The following WDR70 variants were observed in gnomAD, a reference collection of about 807,000 sequenced individuals.
The protein encoded by WDR70 is WD repeat-containing protein 70.
WDR70 carries 53 observed loss-of-function variants against 88.6 expected under a neutral mutation model. The observed-to-expected ratio is 0.60, with a 90% CI of 0.48 to 0.75. WDR70 has a LOEUF of 0.75. Among genes scored for constraint, WDR70 ranks in the 30% least tolerant of loss-of-function variants. The pLI, the probability that WDR70 is intolerant of heterozygous loss-of-function variation, is 0.00. For synonymous variants in WDR70, 280 were observed against 270.0 expected (o/e 1.04, Z -0.36); for missense variants, 610 against 823.2 (o/e 0.74, Z 3.17).
Position 37,724,947 on chromosome 5 carries a change from T to C in WDR70, c.1611T>C (p.Pro537=), listed in dbSNP as rs1018510714. The change falls in exon 16 of 18, where the codon CCT becomes CCC. Residue 537 remains proline (P), a synonymous_variant. Coordinates refer to ENST00000265107, the MANE Select transcript of WDR70 (RefSeq NM_018034.4). ...QDYIITPHAL[P]MFREPRQRST... is the part of the protein sequence containing the mutation. Reference sequence around the variant, plus strand: ...GACTTCTTGTAGCTCATGCCTTGCCTATGTTCCGTGAGCCCCGCCAACGGA... The same window carrying C: ...GACTTCTTGTAGCTCATGCCTTGCCCATGTTCCGTGAGCCCCGCCAACGGA... The C allele has an allele frequency of 2.2e-5, 35 of 1,613,546 alleles. No individual in the cohort carries two copies. The highest frequency in any genetic ancestry group is 2.7e-5 in the Non-Finnish European group (32 of 1,179,696).
Position 37,723,987 on chromosome 5 carries a change from G to C in WDR70, c.1598-947G>C, listed in dbSNP as rs144342624. 82 of 152,256 alleles carry C rather than the reference G, an allele frequency of 5.4e-4. No individual in the cohort carries two copies. In the East Asian group the frequency reaches 0.015, roughly 28 times the overall value. The allele number at this position is 152,256 out of a possible 1,614,324, so 9.4% of individuals were successfully genotyped here. A position where few individuals can be genotyped will look rare whatever the true frequency, so the allele number is the denominator to read the frequency against. ...AGTTGGCAGTATAGGTAGAAGGTAGGAGGGGATACTGGAAGAGGTTTTGAG... is the reference window on the plus strand; with the variant it reads ...AGTTGGCAGTATAGGTAGAAGGTAGCAGGGGATACTGGAAGAGGTTTTGAG... On this transcript the variant is annotated intron_variant, in intron 15 of 17. Transcript: ENST00000265107.
chr5:37,742,471 A>G (rs1357430173), intron 17 of WDR70, among the ~76,000 whole-genome samples: 1 of 151,968 alleles, frequency 6.6e-6, no homozygotes, highest in African/African-American at 2.4e-5. Context: ...AGTTCTTTAT[A>G]TATTCTGGAT....
At chr5:37,441,745 C>T (rs1416759686) in intron 6 of WDR70, among the ~76,000 whole-genome samples, 1 of 151,016 alleles carries the variant, frequency 6.6e-6, no homozygotes, top group Non-Finnish European at 1.5e-5. Context: ...TTGATCCCAG[C>T]AGGCAGAAGT....
intron 8 of WDR70, among the ~76,000 whole-genome samples, chr5:37,493,702 G>A (rs1380751322): frequency 6.6e-6 from 1 of 152,062 alleles, no homozygotes; most frequent in African/African-American, 2.4e-5. Flanking sequence ...TTGTTACAGA[G>A]CAATAGAAAA....
intron 17 of WDR70, among the ~76,000 whole-genome samples, chr5:37,747,349 A>G (rs994949901): frequency 5.3e-5 from 8 of 152,218 alleles, no homozygotes; most frequent in African/African-American, 1.9e-4. Flanking sequence ...AATGATGATT[A>G]TTAAAAAGTC....
intron 10 of WDR70, among the ~76,000 whole-genome samples, chr5:37,617,548 A>C (rs1357502264): frequency 5.3e-5 from 8 of 152,156 alleles, no homozygotes. Flanking sequence ...GGAATATGGG[A>C]GTGGGTGAAG....
At chr5:37,676,719 G>A (rs545152382) in intron 10 of WDR70, among the ~76,000 whole-genome samples, 3 of 151,568 alleles carry the variant, frequency 2.0e-5, no homozygotes, top group Non-Finnish European at 2.9e-5. Flanking sequence ...TCTCTGCCAG[G>A]CTTTGGTATC....
chr5:37,379,321 G>A lies in WDR70; in HGVS notation c.-47G>A. On this transcript the variant is annotated 5_prime_UTR_variant, in exon 1 of 18. Transcript: ENST00000265107. ...CAAGTTATTGGCAAGTTCCCCTGCA[G>A]TTGTTTGGGCTGTCCCTGTGGCTGG... 1 of 1,610,744 alleles carries A rather than the reference G, an allele frequency of 6.2e-7. No homozygotes were observed. Among genetic ancestry groups the A allele is most frequent in the East Asian group, 2.2e-5 (1 of 44,804 alleles).
rs367885230 is a variant in WDR70, at chr5:37,665,513, C to G, written c.1093-32142C>G. Among the ~76,000 whole-genome samples, 45 of 152,292 alleles carry G rather than the reference C, an allele frequency of 3.0e-4. 2 individuals are homozygous for G. In the South Asian group the frequency reaches 9.1e-3, roughly 31 times the overall value. The stretch of plus-strand genomic sequence containing the variant: ...ATAAGTTGTTTCAGCAATTGGCTGC[C>G]AGGGGAACAGAAGGGTTGCCACAAC... On this transcript the variant is annotated intron_variant, in intron 10 of 17. Transcript: ENST00000265107.
Position 37,628,470 on chromosome 5 carries a change from C to CT in WDR70, c.1092+23238dup, listed in dbSNP as rs1421836987. Among the ~76,000 whole-genome samples the CT allele has an allele frequency of 6.6e-5, 10 of 152,198 alleles. No homozygotes were observed. In the Middle Eastern group the frequency reaches 0.01, roughly 155 times the overall value. On this transcript the variant is annotated intron_variant, in intron 10 of 17. Transcript: ENST00000265107. ...GATCCTTTTATTATTATATAACGTA[C>CT]TTTTTTGTCACTTTATAGCTTTTAA...
intron 10 of WDR70, among the ~76,000 whole-genome samples, chr5:37,651,077 A>G (rs966210517): frequency 3.3e-5 from 5 of 151,706 alleles, no homozygotes; most frequent in African/African-American, 1.2e-4. Context: ...CCCGTCGTCT[A>G]CATTAGGTAT....
At chr5:37,527,310 G>A (rs547227544) in intron 9 of WDR70, among the ~76,000 whole-genome samples, 4 of 152,238 alleles carry the variant, frequency 2.6e-5, no homozygotes, top group African/African-American at 9.6e-5. Flanking sequence ...ACAAATCAGA[G>A]CCCTCAGAAA....
intron 5 of WDR70, among the ~76,000 whole-genome samples, chr5:37,409,761 C>T (rs1490850457): frequency 6.6e-6 from 1 of 152,084 alleles, no homozygotes; most frequent in African/African-American, 2.4e-5. Context: ...CCACCTCGGC[C>T]TCCCAAAGTG....
rs189201493 is a variant in WDR70, at chr5:37,558,355, G to A, written c.917+41765G>A. ...TTTTTTGAGACAGAATTTTGCTCTG[G>A]TTGCCCAGTCTGGAATGCAGTGGCA... On this transcript the variant is annotated intron_variant, in intron 9 of 17. Transcript: ENST00000265107. Among the ~76,000 whole-genome samples the A allele has an allele frequency of 2.3e-3, 355 of 151,970 alleles. 2 individuals carry two copies. The highest frequency in any genetic ancestry group is 8.2e-3 in the African/African-American group (340 of 41,454).
intron 8 of WDR70, among the ~76,000 whole-genome samples, chr5:37,495,488 G>A (rs934581790): frequency 6.7e-6 from 1 of 149,336 alleles, no homozygotes; most frequent in East Asian, 1.9e-4. Flanking sequence ...GTGTGTGTGC[G>A]TGTGTGTGTG....
At chr5:37,427,925 G>T (rs1220904389) in intron 5 of WDR70, among the ~76,000 whole-genome samples, 3 of 152,116 alleles carry the variant, frequency 2.0e-5, no homozygotes, top group Non-Finnish European at 4.4e-5. Context: ...TGGCTCTGTG[G>T]CTTAGTTCTG....
At position 37,609,183 on chromosome 5, in the gene WDR70, A is replaced by G. The variant is rs890393174; in HGVS notation, c.1092+3945A>G. On this transcript the variant is annotated intron_variant, in intron 10 of 17. Transcript: ENST00000265107. ...GGGGAGAGGAGAGAGGTATTGGGGTAGTTTTTGGTATATTCTTAATATAAA... is the reference window on the plus strand; with the variant it reads ...GGGGAGAGGAGAGAGGTATTGGGGTGGTTTTTGGTATATTCTTAATATAAA... Among the ~76,000 whole-genome samples the G allele has an allele frequency of 1.6e-4, 24 of 152,144 alleles. 2 individuals carry two copies. Among genetic ancestry groups the G allele is most frequent in the Admixed American group, 2.0e-4 (3 of 15,266 alleles).
At chr5:37,612,997 T>A (rs1196560255) in intron 10 of WDR70, among the ~76,000 whole-genome samples, 1 of 152,186 alleles carries the variant, frequency 6.6e-6, no homozygotes, top group African/African-American at 2.4e-5. Flanking sequence ...AAACTTAAAT[T>A]CTAATTTGTC....
rs1748848541 is a variant in WDR70, at chr5:37,752,626, TG to T, written c.*56del. 6 of 1,347,910 alleles carry T rather than the reference TG, an allele frequency of 4.5e-6. No homozygotes were observed. In the South Asian group the frequency reaches 5.3e-5, roughly 12 times the overall value. The allele number at this position is 1,347,910 out of a possible 1,614,324, so 83.5% of individuals were successfully genotyped here. Reference sequence around the variant, plus strand: ...GAGTGGGAGGGGTATGGGACAGGTTTGGGTTTTTTTTTTATGCTCATGAAAT... The same window carrying T: ...GAGTGGGAGGGGTATGGGACAGGTTTGGTTTTTTTTTTATGCTCATGAAAT... On this transcript the variant is annotated 3_prime_UTR_variant, in exon 18 of 18. Coordinates refer to ENST00000265107, the MANE Select transcript of WDR70 (RefSeq NM_018034.4).
Sources: gnomAD v4.1 joint callset for allele counts (sites outside exome capture counted in the v4.1 genomes callset) on GRCh38, gnomAD v4.1.1 for gene constraint, MANE v1.5 for transcripts, NCBI Gene and HGNC (gene_info 2026-07-23, HGNC 2026-07-21) for gene names.